HIVEP3: variants seen among roughly 807,000 people sequenced by gnomAD.
The protein encoded by HIVEP3 is HIVEP zinc finger 3.
In HIVEP3, 49 loss-of-function variants were observed where a neutral mutation model predicts 152.8. The ratio of observed to expected loss-of-function variants is 0.32; its 90% CI spans 0.26 to 0.41. The LOEUF (loss-of-function observed/expected upper bound fraction) is 0.41, where lower values mean the gene tolerates loss of function less well. Ranked by LOEUF, HIVEP3 falls within the 10% of genes least tolerant of loss-of-function variation. The pLI is 1.00. For missense variants in HIVEP3, 2,790 were observed against 3,103.3 expected (o/e 0.90, Z 2.40); for synonymous variants, 1,269 against 1,289.0 (o/e 0.98, Z 0.33).
rs897852143 is a variant in HIVEP3, at chr1:42,011,759, G to C, written n.119+24048C>G. On this transcript the variant is annotated intron_variant and non_coding_transcript_variant, in intron 1 of 3. Coordinates refer to the HIVEP3 transcript ENST00000489103. ...TAATCTCAACTACGAGCTCCTTTCG[G>C]TTCACTGACTCCCTTATTCACAATT... Among the ~76,000 whole-genome samples, 21 of 152,256 alleles carry C rather than the reference G, an allele frequency of 1.4e-4. 1 individual carries two copies. Among genetic ancestry groups the C allele is most frequent in the African/African-American group, 5.1e-4 (21 of 41,562 alleles).
At chr1:41,851,227 A>C (rs577095373) in intron 1 of HIVEP3, among the ~76,000 whole-genome samples, 1 of 150,628 alleles carries the variant, frequency 6.6e-6, no homozygotes, top group Admixed American at 6.6e-5. Context: ...TTCTCTATAC[A>C]TATCTGTCTA....
At chr1:41,676,377 G>A (rs1645956620) in intron 2 of HIVEP3, among the ~76,000 whole-genome samples, 1 of 152,130 alleles carries the variant, frequency 6.6e-6, no homozygotes, top group Admixed American at 6.5e-5. Flanking sequence ...ACTCCCTGAG[G>A]CCTGGGTGAG....
intron 1 of HIVEP3, among the ~76,000 whole-genome samples, chr1:41,799,268 T>C (rs67516444): frequency 0.074 from 11,254 of 152,238 alleles, 1,116 homozygotes; most frequent in African/African-American, 0.22. Flanking sequence ...CCTTCCATTG[T>C]CTGCTGTCTG....
At chr1:41,609,556 T>G (rs1006949932) in intron 3 of HIVEP3, among the ~76,000 whole-genome samples, 6 of 152,214 alleles carry the variant, frequency 3.9e-5, no homozygotes, top group African/African-American at 9.6e-5. Context: ...GGAGAAAGGG[T>G]TCCACCCCAT....
At chr1:41,924,678 T>C (rs1644959052) in intron 1 of HIVEP3, among the ~76,000 whole-genome samples, 1 of 144,838 alleles carries the variant, frequency 6.9e-6, no homozygotes, top group African/African-American at 2.4e-5. Context: ...AGTGAGACCA[T>C]CTATGTAGAG....
chr1:41,875,162 T>C (rs1484977312), intron 1 of HIVEP3, among the ~76,000 whole-genome samples: 1 of 152,228 alleles, frequency 6.6e-6, no homozygotes, highest in Non-Finnish European at 1.5e-5. Context: ...ATGCAGCGCC[T>C]TCCTTCAGGG....
chr1:41,653,394 G>A (rs911554707), intron 2 of HIVEP3, among the ~76,000 whole-genome samples: 2 of 151,994 alleles, frequency 1.3e-5, no homozygotes, highest in Admixed American at 6.5e-5. Flanking sequence ...GCATATTAAA[G>A]ACTGAGAACT....
rs116109577 is a variant in HIVEP3 at position 41,762,595 on chromosome 1, G to A, written c.-800-61600C>T. Among the ~76,000 whole-genome samples the A allele has an allele frequency of 2.1e-3, 315 of 152,322 alleles. 3 individuals carry two copies. The highest frequency in any genetic ancestry group is 7.7e-3 in the East Asian group (40 of 5,182). ...GAGGCCAGAGTCCACCACAGCAGTC[G>A]GTCATGACATGCCTGGTCCAAATGC... is the stretch of plus-strand genomic sequence containing the variant. On this transcript the variant is annotated intron_variant, in intron 1 of 8. Transcript: ENST00000372583.
intron 1 of HIVEP3, among the ~76,000 whole-genome samples, chr1:41,902,736 A>C (rs1258724330): frequency 6.6e-6 from 1 of 152,212 alleles, no homozygotes; most frequent in African/African-American, 2.4e-5. Context: ...AGAGTTTTTT[A>C]TGGATTACCC....
chr1:41,967,179 G>T (rs1021717591), intron 1 of HIVEP3, among the ~76,000 whole-genome samples: 6 of 152,136 alleles, frequency 3.9e-5, no homozygotes, highest in Admixed American at 1.3e-4. Context: ...CTTGAACTCA[G>T]CTCTGGATCA....
intron 5 of HIVEP3, among the ~76,000 whole-genome samples, chr1:41,526,100 C>G (rs1338633571): frequency 1.3e-5 from 2 of 151,758 alleles, no homozygotes; most frequent in East Asian, 1.9e-4. Flanking sequence ...CGTGTCGGGG[C>G]GGGGGGGCTC....
intron 1 of HIVEP3, among the ~76,000 whole-genome samples, chr1:42,015,767 T>C (rs1645518393): frequency 6.6e-6 from 1 of 152,236 alleles, no homozygotes; most frequent in South Asian, 2.1e-4. Context: ...GGGAACACCC[T>C]AGCTGCCTAG....
intron 3 of HIVEP3, among the ~76,000 whole-genome samples, chr1:41,623,883 A>G (rs1389093161): frequency 7.6e-6 from 1 of 131,118 alleles, no homozygotes; most frequent in Non-Finnish European, 1.6e-5. Flanking sequence ...ATGGCCACAG[A>G]GGCTCTCTGC....
chr1:41,853,085 TGGA>T (rs1214461515), intron 1 of HIVEP3, among the ~76,000 whole-genome samples: 1 of 152,162 alleles, frequency 6.6e-6, no homozygotes, highest in African/African-American at 2.4e-5. Context: ...GTGAGCAGGC[TGGA>T]GGAGGTCTTC....
intron 1 of HIVEP3, among the ~76,000 whole-genome samples, chr1:41,844,995 G>A (rs1157804481): frequency 6.6e-5 from 10 of 152,160 alleles, no homozygotes; most frequent in Non-Finnish European, 1.2e-4. Context: ...CTGCCACAGG[G>A]CCTTTGCACT....
chr1:41,895,295 T>C (rs1032595822), intron 1 of HIVEP3, among the ~76,000 whole-genome samples: 1 of 152,158 alleles, frequency 6.6e-6, no homozygotes, highest in African/African-American at 2.4e-5. Flanking sequence ...TCTGCCCACT[T>C]TGGTCTCCCT....
At chr1:41,655,815 C>G (rs1366908009) in intron 2 of HIVEP3, among the ~76,000 whole-genome samples, 1 of 152,068 alleles carries the variant, frequency 6.6e-6, no homozygotes, top group Non-Finnish European at 1.5e-5. Flanking sequence ...GTGCTGTACC[C>G]CAGTGCCTAG....
At chr1:41,764,078 G>A (rs1428191342) in intron 1 of HIVEP3, among the ~76,000 whole-genome samples, 4 of 152,196 alleles carry the variant, frequency 2.6e-5, no homozygotes, top group Non-Finnish European at 4.4e-5. Context: ...AGCTATAGAT[G>A]GGAAAAGCAG....
chr1:41,708,582 C>T (rs915203992), intron 1 of HIVEP3, among the ~76,000 whole-genome samples: 24 of 152,256 alleles, frequency 1.6e-4, no homozygotes, highest in African/African-American at 5.8e-4. Context: ...CTGGAGGGGC[C>T]CTGGATCCTT....
Sources: gnomAD v4.1 joint callset for allele counts (sites outside exome capture counted in the v4.1 genomes callset) on GRCh38, gnomAD v4.1.1 for gene constraint, MANE v1.5 for transcripts, NCBI Gene and HGNC (gene_info 2026-07-23, HGNC 2026-07-21) for gene names.